The following EHD4 variants were observed in gnomAD, a reference collection of about 807,000 sequenced individuals.
EHD4 encodes EH domain containing 4, also known as EH domain-containing protein 4.
EHD4 carries 37 observed loss-of-function variants against 51.0 expected under a neutral mutation model. That is an observed-to-expected ratio of 0.73 (90% confidence interval 0.56 to 0.95). EHD4 has a LOEUF of 0.95. Ranked by LOEUF, EHD4 falls within the 40% of genes least tolerant of loss-of-function variation. EHD4 has a pLI of 0.00. For synonymous variants in EHD4, 297 were observed against 317.3 expected (o/e 0.94, Z 0.68); for missense variants, 632 against 733.1 (o/e 0.86, Z 1.59).
At chr15:41,933,919 A>T (rs2067714077) in intron 3 of EHD4, among the ~76,000 whole-genome samples, 2 of 152,118 alleles carry the variant, frequency 1.3e-5, no homozygotes, top group South Asian at 4.1e-4. Context: ...TCAGACGCCC[A>T]TGAGGCCGAC....
chr15:41,972,531 C>T lies in EHD4; in HGVS notation c.-37G>A, dbSNP rs768098366. On this transcript the variant is annotated 5_prime_UTR_variant, in exon 1 of 6. Coordinates refer to ENST00000220325, the MANE Select transcript of EHD4 (RefSeq NM_139265.4). ...TCCACGCTCGGATGGGACCCTGCTCCGGGTTCGACTCTCCCCGGCTCGCAC... is the reference window on the plus strand; with the variant it reads ...TCCACGCTCGGATGGGACCCTGCTCTGGGTTCGACTCTCCCCGGCTCGCAC... 6.9e-7 allele frequency: 1 copy of T among 1,451,716 alleles called. No homozygotes were observed. The highest frequency in any genetic ancestry group is 9.0e-7 in the Non-Finnish European group (1 of 1,106,890). The allele number at this position is 1,451,716 out of a possible 1,614,324, so 89.9% of individuals were successfully genotyped here. A position where few individuals can be genotyped will look rare whatever the true frequency, so the allele number is the denominator to read the frequency against.
intron 3 of EHD4, among the ~76,000 whole-genome samples, chr15:41,940,380 G>A (rs2067761602): frequency 6.6e-6 from 1 of 152,258 alleles, no homozygotes; most frequent in Admixed American, 6.5e-5. Context: ...GAAGCTGGGT[G>A]TAGGTGTGAG....
chr15:41,941,830 C>T (rs2067773576), intron 3 of EHD4: 1 of 152,154 alleles, frequency 6.6e-6, no homozygotes, highest in African/African-American at 2.4e-5. Flanking sequence ...TGACCCCTGT[C>T]ACGGGACCCT....
chr15:41,927,338 A>G (rs116587578), intron 3 of EHD4, among the ~76,000 whole-genome samples: 3 of 152,224 alleles, frequency 2.0e-5, no homozygotes, highest in Non-Finnish European at 4.4e-5. Context: ...CTTTGAAGAG[A>G]TATCTGCACA....
intron 2 of EHD4, among the ~76,000 whole-genome samples, chr15:41,953,176 G>C (rs1029863961): frequency 2.6e-5 from 4 of 152,070 alleles, no homozygotes; most frequent in African/African-American, 9.6e-5. Context: ...GGTAAAATCC[G>C]AGTGTCCGGT....
intron 1 of EHD4, among the ~76,000 whole-genome samples, chr15:41,961,415 T>C (rs1307290625): frequency 2.0e-5 from 3 of 152,266 alleles, no homozygotes; most frequent in Non-Finnish European, 4.4e-5. Context: ...TGTTGTAACT[T>C]GTAATTTAGG....
intron 1 of EHD4, among the ~76,000 whole-genome samples, chr15:41,969,329 C>T (rs1439118653): frequency 2.0e-5 from 3 of 152,156 alleles, no homozygotes; most frequent in Non-Finnish European, 4.4e-5. Context: ...GGCAAATCAC[C>T]TGAGGTCGGG....
intron 4 of EHD4, among the ~76,000 whole-genome samples, chr15:41,918,004 T>A (rs552324360): frequency 6.6e-6 from 1 of 151,986 alleles, no homozygotes; most frequent in Admixed American, 6.5e-5. Context: ...CGGTGTTTGT[T>A]TTCACCCAGG....
intron 4 of EHD4, among the ~76,000 whole-genome samples, chr15:41,910,799 C>T (rs1254518313): frequency 1.3e-5 from 2 of 152,124 alleles, no homozygotes; most frequent in Non-Finnish European, 2.9e-5. Context: ...GAACTCCTGA[C>T]CTCAGGTGAT....
intron 3 of EHD4, among the ~76,000 whole-genome samples, chr15:41,936,579 T>C (rs886872056): frequency 2.0e-5 from 3 of 152,226 alleles, no homozygotes; most frequent in African/African-American, 7.2e-5. Context: ...ATGCTCTATA[T>C]GCAAAGTAAG....
At chr15:41,936,800 G>A (rs559578194) in intron 3 of EHD4, among the ~76,000 whole-genome samples, 72 of 152,348 alleles carry the variant, frequency 4.7e-4, no homozygotes, top group Non-Finnish European at 8.7e-4. Context: ...AACACTTGTG[G>A]TGTGGAATTT....
chr15:41,919,603 G>A lies in EHD4; in HGVS notation c.531C>T (p.Val177=), dbSNP rs867694581. ...RISRGYDFCQ[V]LQWFAERVDR... ...CCACCCTCTCGGCAAACCACTGCAGGACCTGGCAGAAGTCATAGCCTGGGT... is the reference window on the plus strand; with the variant it reads ...CCACCCTCTCGGCAAACCACTGCAGAACCTGGCAGAAGTCATAGCCTGGGT... The change falls in exon 4 of 6, where the codon GTC becomes GTT. Residue 177 remains valine (V), a synonymous_variant. Transcript: ENST00000220325. 2.6e-6 allele frequency: 4 copies of A among 1,514,714 alleles called. No homozygotes were observed. In the Middle Eastern group the frequency reaches 5.4e-4, roughly 204 times the overall value. 93.8% of individuals were successfully genotyped at this position (1,514,714 alleles called of 1,614,324 possible).
intron 1 of EHD4, among the ~76,000 whole-genome samples, chr15:41,963,874 G>A (rs1315624329): frequency 6.6e-6 from 1 of 151,932 alleles, no homozygotes; most frequent in Admixed American, 6.5e-5. Flanking sequence ...GGCCAGGCTC[G>A]GTGGCTCATG....
intron 4 of EHD4, among the ~76,000 whole-genome samples, chr15:41,918,026 C>G (rs895904761): frequency 6.6e-6 from 1 of 152,070 alleles, no homozygotes. Flanking sequence ...AAGAGGCTGC[C>G]CAGTGAGCAC....
chr15:41,964,853 C>T lies in EHD4; in HGVS notation c.236+7406G>A, dbSNP rs534384915. Among the ~76,000 whole-genome samples, 7 of 151,850 alleles carry T rather than the reference C, an allele frequency of 4.6e-5. No homozygotes were observed. The South Asian group carries it at 1.5e-3, about 32-fold the overall frequency. ...GTGGTGCAATCTCAGCTTACTGCAG[C>T]CTCGACCACCTGGGCTCAAGTGATC... On this transcript the variant is annotated intron_variant, in intron 1 of 5. Coordinates refer to ENST00000220325, the MANE Select transcript of EHD4 (RefSeq NM_139265.4).
At chr15:41,952,761 G>A (rs139387615) in intron 2 of EHD4, among the ~76,000 whole-genome samples, 2,541 of 152,058 alleles carry the variant, frequency 0.017, 84 homozygotes, top group African/African-American at 0.058. Context: ...AAGGCGAGGC[G>A]GGTGGATCAC....
At chr15:41,915,270 G>T (rs2067576583) in intron 4 of EHD4, among the ~76,000 whole-genome samples, 1 of 152,174 alleles carries the variant, frequency 6.6e-6, no homozygotes, top group African/African-American at 2.4e-5. Context: ...TAGAGACGGG[G>T]TTTCACCATG....
chr15:41,914,287 C>T (rs187795869), intron 4 of EHD4, among the ~76,000 whole-genome samples: 67 of 152,292 alleles, frequency 4.4e-4, no homozygotes, highest in African/African-American at 1.5e-3. Context: ...TGGAGACCTG[C>T]GGCTGGAAGC....
At chr15:41,966,412 G>A (rs963372866) in intron 1 of EHD4, among the ~76,000 whole-genome samples, 2 of 152,030 alleles carry the variant, frequency 1.3e-5, no homozygotes, top group African/African-American at 4.8e-5. Flanking sequence ...CCTTTTCTTG[G>A]TAGCAGCATC....
Sources: allele counts gnomAD v4.1 joint callset (sites outside exome capture counted in the v4.1 genomes callset), GRCh38; gene constraint gnomAD v4.1.1; transcripts MANE v1.5; gene names NCBI Gene and HGNC (gene_info 2026-07-23, HGNC 2026-07-21).